Variants in MYO7A observed in about 807,000 individuals in gnomAD.
MYO7A encodes the protein myosin VIIA.
MYO7A carries 210 observed loss-of-function variants against 263.8 expected under a neutral mutation model. That is an observed-to-expected ratio of 0.80 (90% CI 0.71 to 0.89). MYO7A has a LOEUF of 0.89. Among genes scored for constraint, MYO7A ranks in the 40% least tolerant of loss-of-function variants. The pLI, the probability that MYO7A is intolerant of heterozygous loss-of-function variation, is 0.00. For synonymous variants in MYO7A, 1,239 were observed against 1,197.3 expected (o/e 1.03, Z -0.72); for missense variants, 2,820 against 2,968.3 (o/e 0.95, Z 1.16).
chr11:77,206,318 C>T, intron 41 of MYO7A, 116 bp downstream of exon 41: 1 of 759,852 alleles, frequency 1.3e-6, no homozygotes, highest in Admixed American at 2.7e-5. Context: ...CCGCCTCGTC[C>T]TCCTGCCCCG....
chr11:77,160,072 C>G, intron 10 of MYO7A, 91 bp from the exon 11 acceptor site: 2 of 1,492,138 alleles, frequency 1.3e-6, no homozygotes, highest in Non-Finnish European at 9.0e-7. Context: ...GTGGTCTGGG[C>G]CAGGCCAGTG....
chr11:77,198,424 C>A (rs1040769811), intron 33 of MYO7A, 71 bp from the exon 34 acceptor site: 1 of 1,578,568 alleles, frequency 6.3e-7, no homozygotes, highest in African/African-American at 1.3e-5. Flanking sequence ...CCTGCCTGGC[C>A]GTTATGAGAT....
chr11:77,145,368 A>C (rs1476843911), intron 3 of MYO7A, among the ~76,000 whole-genome samples: 1 of 152,204 alleles, frequency 6.6e-6, no homozygotes. Flanking sequence ...CCCATTTCAC[A>C]GCTGAGGACA....
At chr11:77,207,443 G>A (rs1459748840) in intron 42 of MYO7A, 41 bp downstream of exon 42, 1 of 1,418,118 alleles carries the variant, frequency 7.1e-7, no homozygotes, top group Non-Finnish European at 9.8e-7. Context: ...GAGATTTGCT[G>A]GGGCCATAGG....
rs371382279 is a variant in MYO7A, at chr11:77,166,140, T to C, written c.1775T>C (p.Ile592Thr). ...TCCAGGAACAAGTTCATCAAGCAGA[T>C]CTTCCAGGCCGATGTCGCCATGGTA... Reference protein sequence around the residue: ...HSSRNKFIKQIFQADVAMGAE... With the variant: ...HSSRNKFIKQTFQADVAMGAE... Residue 592 changes from isoleucine (I) to threonine (T), a missense_variant, in exon 15 of 49, where the codon ATC becomes ACC. By Grantham distance (89) the Ile-to-Thr change is moderately conservative (BLOSUM62 -1). Coordinates refer to ENST00000409709, the MANE Select transcript of MYO7A (RefSeq NM_000260.4). The C allele has an allele frequency of 1.2e-5, 19 of 1,613,766 alleles. No homozygotes were observed. The African/African-American group carries it at 2.4e-4, about 20-fold the overall frequency.
At chr11:77,212,286 AGCTTTCCAGGCAGACCCTGGAAAGAGTGC>A in intron 46 of MYO7A, 1 of 429,198 alleles carries the variant, frequency 2.3e-6, no homozygotes, top group South Asian at 1.8e-5. Context: ...GTGATATCTG[AGCTTTCCAGGCAGACCCTGGAAAGAGTGC>A]TCCTGGCAGG....
chr11:77,181,785 T>G (rs1213238095), intron 23 of MYO7A, among the ~76,000 whole-genome samples, 166 bp from the exon 24 acceptor site: 13 of 136,556 alleles, frequency 9.5e-5, no homozygotes, highest in South Asian at 7.9e-4. Context: ...TTTTGTTTTT[T>G]TTTTTTTTTT....
chr11:77,172,613 G>A (rs1289158200), intron 15 of MYO7A, 135 bp from the exon 16 acceptor site: 1 of 1,196,496 alleles, frequency 8.4e-7, no homozygotes, highest in Non-Finnish European at 1.2e-6. Flanking sequence ...GCAGTTTGCA[G>A]GAAAACTTCA....
intron 46 of MYO7A, chr11:77,212,528 T>G: frequency 1.2e-5 from 4 of 335,324 alleles, no homozygotes; most frequent in South Asian, 1.0e-4. Context: ...AGGCTGCGGG[T>G]GGAGGAGGGG....
intron 17 of MYO7A, 124 bp downstream of exon 17, chr11:77,175,038 A>T (rs1591351390): frequency 7.8e-7 from 1 of 1,275,282 alleles, no homozygotes; most frequent in African/African-American, 1.5e-5. Context: ...CAGGTGCAGC[A>T]CGGAAAATTG....
In MYO7A at chr11:77,175,495, T is replaced by TG. The variant is rs112571133; in HGVS notation, c.2187+38dup. ...CACAGATGCCTTCCCTGGGCTGCCCTGGGGGGGCTGTAAATTCCCATGATG... is the reference window on the plus strand; with the variant it reads ...CACAGATGCCTTCCCTGGGCTGCCCTGGGGGGGGCTGTAAATTCCCATGATG... On this transcript the variant is annotated intron_variant, in intron 18 of 48. Transcript: ENST00000409709. 1.9e-3 allele frequency: 3,031 copies of TG among 1,591,348 alleles called. 43 individuals are homozygous for TG. The African/African-American group carries it at 0.031, about 16-fold the overall frequency.
intron 4 of MYO7A, among the ~76,000 whole-genome samples, chr11:77,153,754 G>T (rs1016201292): frequency 6.6e-6 from 1 of 152,086 alleles, no homozygotes; most frequent in Admixed American, 6.5e-5. Flanking sequence ...GCCCTTTCAC[G>T]CCTCTGTGCT....
chr11:77,178,243 A>ATCTG (rs1555081334), intron 19 of MYO7A, among the ~76,000 whole-genome samples: 2 of 151,604 alleles, frequency 1.3e-5, no homozygotes, highest in African/African-American at 2.4e-5. Flanking sequence ...CCATCCATCC[A>ATCTG]TCCATCCACC....
At chr11:77,184,790 A>G (rs1555087478) in intron 27 of MYO7A, 75 bp downstream of exon 27, 1 of 1,565,486 alleles carries the variant, frequency 6.4e-7, no homozygotes, top group East Asian at 2.3e-5. Flanking sequence ...TCAACCTAGC[A>G]AGAGATTAAG....
intron 42 of MYO7A, 122 bp downstream of exon 42, chr11:77,207,524 ATCT>A (rs1217481142): frequency 2.5e-5 from 19 of 747,032 alleles, no homozygotes; most frequent in Non-Finnish European, 4.2e-5. Context: ...GCATCTGGCC[ATCT>A]TCTTCCATCC....
At chr11:77,184,944 T>C in intron 27 of MYO7A, 1 of 783,672 alleles carries the variant, frequency 1.3e-6, no homozygotes, top group South Asian at 1.5e-5. Context: ...ATATTGCAGG[T>C]TCAGTTGAAG....
At chr11:77,158,467 C>T (rs1555066085) in intron 9 of MYO7A, 37 bp downstream of exon 9, 6 of 1,599,750 alleles carry the variant, frequency 3.8e-6, no homozygotes, top group African/African-American at 1.3e-5. Context: ...CCCACCCCTG[C>T]GCCAAGGGCA....
At chr11:77,188,411 A>T (rs553217706) in intron 27 of MYO7A, among the ~76,000 whole-genome samples, 2 of 152,344 alleles carry the variant, frequency 1.3e-5, no homozygotes, top group South Asian at 4.1e-4. Flanking sequence ...ATTTATCATG[A>T]TAAAAAAATG....
intron 44 of MYO7A, chr11:77,210,846 ACT>A (rs1957812964): frequency 3.6e-6 from 1 of 278,700 alleles, no homozygotes; most frequent in Admixed American, 4.8e-5. Context: ...CCAGCTGGTC[ACT>A]CTGAGTTTCT....
Sources: gnomAD v4.1 joint callset for allele counts (sites outside exome capture counted in the v4.1 genomes callset) on GRCh38, gnomAD v4.1.1 for gene constraint, MANE v1.5 for transcripts, NCBI Gene and HGNC (gene_info 2026-07-23, HGNC 2026-07-21) for gene names.